The following RIMS1 variants were observed in gnomAD, a reference collection of about 807,000 sequenced individuals.
RIMS1 encodes the protein regulating synaptic membrane exocytosis protein 1.
In RIMS1, 83 loss-of-function variants were observed where a neutral mutation model predicts 214.1. The ratio of observed to expected loss-of-function variants is 0.39; its 90% CI spans 0.32 to 0.47. The LOEUF (loss-of-function observed/expected upper bound fraction) is 0.47. RIMS1 is among the 20% of genes least tolerant of loss of function. The pLI is 0.99. For synonymous variants in RIMS1, 793 were observed against 786.8 expected, an observed-to-expected ratio of 1.01 and a Z score of -0.13; for missense variants, 2,050 against 2,161.8, an observed-to-expected ratio of 0.95 and a Z score of 1.03.
intron 4 of RIMS1, among the ~76,000 whole-genome samples, chr6:72,143,504 T>A (rs1178749062): frequency 1.3e-5 from 2 of 152,140 alleles, no homozygotes; most frequent in African/African-American, 2.4e-5. Context: ...TAGATCTTGG[T>A]GGAAGTCAGG....
chr6:72,112,273 G>A (rs909824416), intron 4 of RIMS1, among the ~76,000 whole-genome samples: 2 of 151,974 alleles, frequency 1.3e-5, no homozygotes, highest in African/African-American at 4.8e-5. Context: ...ATCTAGTCTG[G>A]TTTATTGCAT....
rs531256151 is a variant in RIMS1, at chr6:72,383,828, TA to T, written c.4367-6760del. On this transcript the variant is annotated intron_variant, in intron 29 of 33. Transcript: ENST00000521978. ...TGAGACCTAGCAAGACCCTGTCTCT[TA>T]AAAAAAAAATTAATTTTTACAAAAT... Among the ~76,000 whole-genome samples the T allele has an allele frequency of 8.0e-4, 119 of 149,184 alleles. 1 individual carries two copies. Among genetic ancestry groups the T allele is most frequent in the East Asian group, 5.7e-3 (29 of 5,096 alleles).
At chr6:71,893,257 G>A (rs1430382371) in intron 1 of RIMS1, among the ~76,000 whole-genome samples, 1 of 151,850 alleles carries the variant, frequency 6.6e-6, no homozygotes, top group Non-Finnish European at 1.5e-5. Context: ...TTGACAAGGA[G>A]TTAAAAGGTA....
At chr6:72,016,268 A>G (rs1390607649) in intron 2 of RIMS1, among the ~76,000 whole-genome samples, 1 of 151,830 alleles carries the variant, frequency 6.6e-6, no homozygotes, top group African/African-American at 2.4e-5. Flanking sequence ...TTTGGATCAT[A>G]TGTTTGTCTT....
intron 6 of RIMS1, among the ~76,000 whole-genome samples, chr6:72,195,631 G>A (rs1160647830): frequency 6.6e-6 from 1 of 152,070 alleles, no homozygotes; most frequent in Non-Finnish European, 1.5e-5. Flanking sequence ...TGTAACTTAT[G>A]CAATGCTTTA....
At chr6:72,037,823 G>A (rs1192374820) in intron 2 of RIMS1, among the ~76,000 whole-genome samples, 1 of 151,602 alleles carries the variant, frequency 6.6e-6, no homozygotes, top group Non-Finnish European at 1.5e-5. Flanking sequence ...TGGTTGATTT[G>A]AGAGACATCA....
chr6:72,133,120 TG>T (rs901449173), intron 4 of RIMS1, among the ~76,000 whole-genome samples: 4 of 152,084 alleles, frequency 2.6e-5, no homozygotes, highest in African/African-American at 9.7e-5. Context: ...AAAGGTAATG[TG>T]GAATTTCACA....
intron 22 of RIMS1, among the ~76,000 whole-genome samples, chr6:72,270,432 G>A (rs1488128542): frequency 6.6e-6 from 1 of 152,118 alleles, no homozygotes; most frequent in African/African-American, 2.4e-5. Context: ...CATCTATAGT[G>A]ACAACATGAT....
intron 28 of RIMS1, among the ~76,000 whole-genome samples, chr6:72,329,188 C>T (rs2746204): frequency 0.12 from 18,289 of 151,836 alleles, 1,172 homozygotes; most frequent in African/African-American, 0.14. Flanking sequence ...TTGGACAACA[C>T]AGCTAATTGG....
chr6:72,042,506 A>G (rs1297188827), intron 2 of RIMS1, among the ~76,000 whole-genome samples: 1 of 151,896 alleles, frequency 6.6e-6, no homozygotes, highest in Non-Finnish European at 1.5e-5. Context: ...CTTGAACCAC[A>G]TTATGTTTAA....
chr6:72,006,998 G>A (rs1807972635), intron 2 of RIMS1, among the ~76,000 whole-genome samples: 1 of 152,188 alleles, frequency 6.6e-6, no homozygotes, highest in Non-Finnish European at 1.5e-5. Context: ...GCACGCAGCT[G>A]GAGATCTGAG....
intron 27 of RIMS1, among the ~76,000 whole-genome samples, chr6:72,310,949 G>C (rs1382199760): frequency 6.6e-6 from 1 of 151,812 alleles, no homozygotes; most frequent in African/African-American, 2.4e-5. Flanking sequence ...CCACTTTCTG[G>C]AATAACAAAG....
At chr6:72,018,660 G>A (rs746947476) in intron 2 of RIMS1, among the ~76,000 whole-genome samples, 9 of 152,246 alleles carry the variant, frequency 5.9e-5, no homozygotes, top group South Asian at 2.1e-4. Context: ...GGTGTGAGCC[G>A]TGGGACATTT....
At chr6:72,320,797 A>G (rs978635115) in intron 28 of RIMS1, among the ~76,000 whole-genome samples, 2 of 152,018 alleles carry the variant, frequency 1.3e-5, no homozygotes. Context: ...ATTATTTCCA[A>G]GCTCATTACT....
intron 9 of RIMS1, among the ~76,000 whole-genome samples, chr6:72,241,462 C>T (rs527953979): frequency 1.2e-3 from 186 of 152,070 alleles, no homozygotes; most frequent in Non-Finnish European, 2.0e-3. Flanking sequence ...CTTTTTTTCA[C>T]GTGACCTATG....
intron 28 of RIMS1, among the ~76,000 whole-genome samples, chr6:72,323,127 A>C (rs191119930): frequency 6.6e-6 from 1 of 152,264 alleles, no homozygotes; most frequent in Non-Finnish European, 1.5e-5. Flanking sequence ...TGTGAATAAT[A>C]GCAAATCTTT....
At chr6:72,317,713 A>G (rs1017566249) in intron 28 of RIMS1, among the ~76,000 whole-genome samples, 1 of 152,182 alleles carries the variant, frequency 6.6e-6, no homozygotes, top group Non-Finnish European at 1.5e-5. Flanking sequence ...TGTGATGCAT[A>G]TGAAAATCTT....
Position 71,887,126 on chromosome 6 carries a change from A to G in RIMS1, c.103A>G (p.Ile35Val), listed in dbSNP as rs1331674646. The change falls in exon 1 of 34, where the codon ATT becomes GTT. Residue 35 changes from isoleucine to valine, a missense_variant. Ile to Val is a conservative substitution (Grantham distance 29). Around this residue, in one of 6 missense-constraint regions of RIMS1, gnomAD observed 882 missense variants for 828.9 expected, o/e 1.06. Transcript: ENST00000521978. ...LSHLTEEERNIIMAVMDRQKE... is the reference protein window; with the variant it reads ...LSHLTEEERNVIMAVMDRQKE... ...CCACCTGACCGAAGAGGAGAGGAAC[A>G]TTATCATGGCAGTGATGGACCGGCA... The G allele has an allele frequency of 6.2e-7, 1 of 1,613,452 alleles. No individual in the cohort carries two copies. The highest frequency in any genetic ancestry group is 8.5e-7 in the Non-Finnish European group (1 of 1,179,660).
chr6:72,237,997 G>A, intron 9 of RIMS1, 75 bp downstream of exon 9: 1 of 1,034,242 alleles, frequency 9.7e-7, no homozygotes, highest in Non-Finnish European at 1.4e-6. Flanking sequence ...TTCAATTTGG[G>A]GTTAGTTTTA....
Sources: allele counts gnomAD v4.1 joint callset (sites outside exome capture counted in the v4.1 genomes callset), GRCh38; gene constraint gnomAD v4.1.1; regional missense constraint gnomAD v4.1.1; transcripts MANE v1.5; gene names NCBI Gene and HGNC (gene_info 2026-07-23, HGNC 2026-07-21).